VWC2L: variants seen among roughly 807,000 people sequenced by gnomAD.
VWC2L encodes von Willebrand factor C domain-containing protein 2-like.
VWC2L carries 10 observed loss-of-function variants against 21.6 expected under a neutral mutation model. The observed-to-expected ratio is 0.46, with a 90% CI of 0.29 to 0.78. The LOEUF (loss-of-function observed/expected upper bound fraction) is 0.78. Ranked by LOEUF, VWC2L falls within the 30% of genes least tolerant of loss-of-function variation. The pLI, the probability that VWC2L is intolerant of heterozygous loss-of-function variation, is 0.10. For synonymous variants in VWC2L, 96 were observed against 94.3 expected, an observed-to-expected ratio of 1.02 and a Z score of -0.10; for missense variants, 209 against 277.1, an observed-to-expected ratio of 0.75 and a Z score of 1.74.
intron 3 of VWC2L, among the ~76,000 whole-genome samples, chr2:214,531,874 C>T (rs1028672716): frequency 1.3e-5 from 2 of 152,152 alleles, no homozygotes; most frequent in East Asian, 1.9e-4. Context: ...GTAGCATATC[C>T]AAGTGCAGTT....
chr2:214,414,253 C>T lies in VWC2L; in HGVS notation c.60C>T (p.Thr20=), dbSNP rs1702321016. 1.2e-6 allele frequency: 2 copies of T among 1,613,790 alleles called. No individual in the cohort carries two copies. The highest frequency in any genetic ancestry group is 2.2e-5 in the East Asian group (1 of 44,870). Reference sequence around the variant, plus strand: ...TGTTGGTCATCCCTGGATTGGTCACCTCTGCTGCTATCAGTCATGAAGACT... The same window carrying T: ...TGTTGGTCATCCCTGGATTGGTCACTTCTGCTGCTATCAGTCATGAAGACT... The part of the protein sequence containing the change: ...ILLLVIPGLV[T]SAAISHEDYP... Residue 20 remains threonine (T), a synonymous_variant, in exon 2 of 4, where the codon ACC becomes ACT. Coordinates refer to ENST00000312504, the MANE Select transcript of VWC2L (RefSeq NM_001080500.4).
intron 3 of VWC2L, among the ~76,000 whole-genome samples, chr2:214,487,547 C>T (rs886634897): frequency 6.6e-6 from 1 of 152,170 alleles, no homozygotes; most frequent in Non-Finnish European, 1.5e-5. Flanking sequence ...CCAAAACATG[C>T]AGGAGAGAAT....
chr2:214,514,409 C>G (rs1330790055), intron 3 of VWC2L, among the ~76,000 whole-genome samples: 1 of 150,990 alleles, frequency 6.6e-6, no homozygotes, highest in Non-Finnish European at 1.5e-5. Flanking sequence ...TTTTTGCAAG[C>G]CTATTTGAAA....
chr2:214,553,520 G>A (rs1412534419), intron 3 of VWC2L, among the ~76,000 whole-genome samples: 1 of 152,182 alleles, frequency 6.6e-6, no homozygotes, highest in Non-Finnish European at 1.5e-5. Flanking sequence ...GACCTGGAGT[G>A]TCTGGGTTAA....
chr2:214,473,807 T>G (rs1015952671), intron 3 of VWC2L: 1 of 150,714 alleles, frequency 6.6e-6, no homozygotes, highest in African/African-American at 2.4e-5. Flanking sequence ...CTAACCAACA[T>G]GTGTAATAAA....
In VWC2L at chr2:214,451,308, T is replaced by TTG. The variant is rs71399133; in HGVS notation, c.520+14550_520+14551insTG. Among the ~76,000 whole-genome samples the TTG allele has an allele frequency of 3.0e-4, 34 of 112,112 alleles. 1 individual carries two copies. The highest frequency in any genetic ancestry group is 4.9e-3 in the Middle Eastern group (1 of 204). 73.5% of individuals were successfully genotyped at this position (112,112 alleles called of 152,430 possible). A position where few individuals can be genotyped will look rare whatever the true frequency, so the allele number is the denominator to read the frequency against. ...CTAAGGAAGGATAAGTGGGTCGGTG[T>TTG]GGGGGGGGGGGGCAGTAAAAGCTGA... On this transcript the variant is annotated intron_variant, in intron 3 of 3. Coordinates refer to ENST00000312504, the MANE Select transcript of VWC2L (RefSeq NM_001080500.4).
chr2:214,481,254 G>A (rs1688600493), intron 3 of VWC2L, among the ~76,000 whole-genome samples: 1 of 152,148 alleles, frequency 6.6e-6, no homozygotes, highest in South Asian at 2.1e-4. Context: ...AAATGATGTT[G>A]GGAGGCTTCT....
At chr2:214,422,153 G>A (rs1702453170) in intron 2 of VWC2L, among the ~76,000 whole-genome samples, 1 of 151,934 alleles carries the variant, frequency 6.6e-6, no homozygotes, top group South Asian at 2.1e-4. Flanking sequence ...CTCCCAAAGT[G>A]CTGGGATTAC....
intron 3 of VWC2L, among the ~76,000 whole-genome samples, chr2:214,476,844 T>C (rs1688533225): frequency 6.6e-6 from 1 of 152,218 alleles, no homozygotes; most frequent in Admixed American, 6.5e-5. Flanking sequence ...ATTAATACTG[T>C]GGAAACTCAG....
intron 3 of VWC2L, among the ~76,000 whole-genome samples, chr2:214,563,545 T>G (rs1210295396): frequency 7.3e-5 from 1 of 13,704 alleles, no homozygotes; most frequent in Non-Finnish European, 1.3e-4. Context: ...AGACTCCGTC[T>G]CAAAAAAAAA....
chr2:214,539,106 C>T lies in VWC2L; in HGVS notation c.521-36566C>T, dbSNP rs150906826. Among the ~76,000 whole-genome samples the T allele has an allele frequency of 2.1e-4, 32 of 152,158 alleles. 1 individual carries two copies. The East Asian group carries it at 5.4e-3, about 26-fold the overall frequency. ...AATCAATTACATTTTTAAAAGGCAA[C>T]GTGATGGTGCTCTCCTCGGATGCCA... On this transcript the variant is annotated intron_variant, in intron 3 of 3. Transcript: ENST00000312504.
At chr2:214,509,793 C>T (rs1689025023) in intron 3 of VWC2L, among the ~76,000 whole-genome samples, 1 of 152,148 alleles carries the variant, frequency 6.6e-6, no homozygotes, top group Non-Finnish European at 1.5e-5. Context: ...TAGCTGTTGA[C>T]ATTTTCTGCT....
intron 3 of VWC2L, among the ~76,000 whole-genome samples, chr2:214,518,204 T>C (rs1179842666): frequency 1.3e-5 from 2 of 152,152 alleles, no homozygotes; most frequent in Non-Finnish European, 2.9e-5. Context: ...TGTCAACTGA[T>C]AGAAAGCCTG....
At chr2:214,526,141 G>A (rs10932541) in intron 3 of VWC2L, among the ~76,000 whole-genome samples, 31,309 of 150,380 alleles carry the variant, frequency 0.21, 3,972 homozygotes, top group East Asian at 0.48. Flanking sequence ...TCAGAATAAC[G>A]TATATATCCA....
chr2:214,553,552 A>G (rs1289909512), intron 3 of VWC2L, among the ~76,000 whole-genome samples: 2 of 152,186 alleles, frequency 1.3e-5, no homozygotes, highest in Non-Finnish European at 2.9e-5. Context: ...ATGGAGACCA[A>G]GGTTTTATCA....
intron 3 of VWC2L, among the ~76,000 whole-genome samples, chr2:214,499,952 T>C (rs1688868484): frequency 6.6e-6 from 1 of 152,182 alleles, no homozygotes; most frequent in Non-Finnish European, 1.5e-5. Flanking sequence ...TAGGGGCTAT[T>C]ACGGTAGATA....
At chr2:214,497,331 ATT>A in intron 3 of VWC2L, among the ~76,000 whole-genome samples, 1 of 152,096 alleles carries the variant, frequency 6.6e-6, no homozygotes, top group East Asian at 1.9e-4. Context: ...GTCTGTTTCA[ATT>A]TTGTTATGCC....
intron 3 of VWC2L, among the ~76,000 whole-genome samples, chr2:214,555,882 T>C: frequency 6.6e-6 from 1 of 152,300 alleles, no homozygotes; most frequent in East Asian, 1.9e-4. Flanking sequence ...ATCTCAATCA[T>C]TCTCCTACTT....
At chr2:214,453,649 C>T (rs1703008707) in intron 3 of VWC2L, among the ~76,000 whole-genome samples, 2 of 152,028 alleles carry the variant, frequency 1.3e-5, no homozygotes, top group African/African-American at 4.8e-5. Context: ...CTTAATTTCC[C>T]TCAGCACTAT....
Sources: allele counts gnomAD v4.1 joint callset (sites outside exome capture counted in the v4.1 genomes callset), GRCh38; gene constraint gnomAD v4.1.1; transcripts MANE v1.5; gene names NCBI Gene and HGNC (gene_info 2026-07-23, HGNC 2026-07-21).